DRP2: variants seen among roughly 807,000 people sequenced by gnomAD.
The protein encoded by DRP2 is dystrophin related protein 2, also known as dystrophin-related protein 2.
In DRP2, 29 loss-of-function variants were observed where a neutral mutation model predicts 78.2. The ratio of observed to expected loss-of-function variants is 0.37; its 90% confidence interval spans 0.28 to 0.51. DRP2 has a LOEUF of 0.51. Ranked by LOEUF, DRP2 falls within the 20% of genes least tolerant of loss-of-function variation. DRP2 has a pLI of 0.94. For missense variants in DRP2, 686 were observed against 770.6 expected (o/e 0.89, Z 1.30); for synonymous variants, 290 against 281.9 (o/e 1.03, Z -0.29).
rs763276484 is a variant in DRP2 at position 101,231,608 on chromosome X, G to A, written c.-40G>A. ...AGGTGCTTAATGATCAATAGTTGGT[G>A]CACTGCCTATCCTCATCCCCCCCAT... On this transcript the variant is annotated 5_prime_UTR_variant, in exon 3 of 24. Transcript: ENST00000395209. 2 of 1,081,424 alleles carry A rather than the reference G, an allele frequency of 1.8e-6. No homozygotes were observed. Among genetic ancestry groups the A allele is most frequent in the Admixed American group, 2.2e-5 (1 of 45,806 alleles). 89.1% of individuals were successfully genotyped at this position (1,081,424 alleles called of 1,213,427 possible).
At chrX:101,224,212 T>TTTTGTTTTTG (rs1922025132) in intron 1 of DRP2, among the ~76,000 whole-genome samples, 3 of 75,098 alleles carry the variant, frequency 4.0e-5, no homozygotes, top group African/African-American at 1.7e-4. Context: ...TTTTTTTTTT[T>TTTTGTTTTTG]TTTTTTTTTG....
At position 101,235,913 on chromosome X, in the gene DRP2, C is replaced by G. The variant is rs138702280; in HGVS notation, c.171C>G (p.Pro57=). The change falls in exon 4 of 24, where the codon CCC becomes CCG. Residue 57 remains proline (P), a synonymous_variant. Coordinates refer to ENST00000395209, the MANE Select transcript of DRP2 (RefSeq NM_001939.3). ...CTCCTCAAGATGGTGCTGGGGTTCC[C>G]TGCCTAAGCCTAAAGCTGTTGAACG... ...PAPPQDGAGV[P]CLSLKLLNGS... 473 of 1,210,278 alleles carry G rather than the reference C, an allele frequency of 3.9e-4. 3 individuals carry two copies. The African/African-American group carries it at 7.1e-3, about 18-fold the overall frequency.
chrX:101,254,174 A>T (rs75845541), intron 17 of DRP2, among the ~76,000 whole-genome samples: 42,270 of 108,916 alleles, frequency 0.39, 6,210 homozygotes, highest in African/African-American at 0.48. Context: ...AGACAATTAA[A>T]TTTTTAAGTA....
chrX:101,222,641 C>T (rs1602903434), intron 1 of DRP2, among the ~76,000 whole-genome samples: 1 of 112,520 alleles, frequency 8.9e-6, no homozygotes, highest in South Asian at 3.7e-4. Context: ...TTGCTATATG[C>T]AAAAATTGTC....
At chrX:101,222,033 T>C (rs770144191) in intron 1 of DRP2, among the ~76,000 whole-genome samples, 2 of 112,089 alleles carry the variant, frequency 1.8e-5, no homozygotes, top group Admixed American at 9.4e-5. Context: ...TGTTAATAGA[T>C]TCTGTTTTAA....
intron 11 of DRP2, 86 bp from the exon 12 acceptor site, chrX:101,247,004 C>T: frequency 1.2e-6 from 1 of 817,694 alleles, no homozygotes; most frequent in African/African-American, 2.0e-5. Flanking sequence ...TATTGGTTGC[C>T]AGTCTGGTGG....
At chrX:101,259,902 C>G in intron 22 of DRP2, 147 bp from the exon 23 acceptor site, 1 of 691,597 alleles carries the variant, frequency 1.4e-6, no homozygotes, top group Non-Finnish European at 2.1e-6. Context: ...AAGTGGAAGC[C>G]ACTGTTTTAG....
intron 2 of DRP2, among the ~76,000 whole-genome samples, chrX:101,228,139 A>G (rs970714007): frequency 1.1e-4 from 12 of 112,310 alleles, no homozygotes; most frequent in Non-Finnish European, 9.4e-5. Context: ...GTAAAATGAT[A>G]TAACTTTTTC....
rs1923557890 is a variant in DRP2 at position 101,261,592 on chromosome X, T to C, written c.*971T>C. 1 of 111,564 alleles carries C rather than the reference T, an allele frequency of 9.0e-6. No individual in the cohort carries two copies. The highest frequency in any genetic ancestry group is 3.8e-4 in the South Asian group (1 of 2,630). 9.2% of individuals were successfully genotyped at this position (111,564 alleles called of 1,213,427 possible). A position where few individuals can be genotyped will look rare whatever the true frequency, so the allele number is the denominator to read the frequency against. ...ACACCCTTCCAGGCTGTGACCCTTC[T>C]AGCTCTCAGGCTGAATCAGGTGAGG... is the stretch of plus-strand genomic sequence containing the variant. On this transcript the variant is annotated 3_prime_UTR_variant, in exon 24 of 24. Coordinates refer to ENST00000395209, the MANE Select transcript of DRP2 (RefSeq NM_001939.3).
Position 101,248,533 on chromosome X carries a change from C to A in DRP2, c.1474C>A (p.Arg492=). 8.3e-7 allele frequency: 1 copy of A among 1,211,430 alleles called. No homozygotes were observed. The highest frequency in any genetic ancestry group is 1.8e-5 in the South Asian group (1 of 56,961). Residue 492 remains arginine, a synonymous_variant, in exon 14 of 24, where the codon CGG becomes AGG. Coordinates refer to ENST00000395209, the MANE Select transcript of DRP2 (RefSeq NM_001939.3). ...VFDSGRSGKM[R]ALSFKTGIAC... is the part of the protein sequence containing the mutation. ...ACCTAGTGGTCGCAGCGGAAAGATG[C>A]GGGCATTGTCTTTTAAGACTGGCAT...
At chrX:101,235,714 A>C in intron 3 of DRP2, 146 bp from the exon 4 acceptor site, 2 of 568,611 alleles carry the variant, frequency 3.5e-6, no homozygotes, top group South Asian at 7.6e-5. Flanking sequence ...TCTTCATCTC[A>C]GTCCCTGAAC....
chrX:101,239,047 T>C lies in DRP2; in HGVS notation c.505T>C (p.Phe169Leu), dbSNP rs1922616291. The change falls in exon 6 of 24, where the codon TTC (phenylalanine) becomes CTC (leucine). Residue 169 changes from phenylalanine (F) to leucine (L), a missense_variant. Around this residue, in one of 2 missense-constraint regions of DRP2, gnomAD observed 263 missense variants for 239.1 expected, o/e 1.10. Coordinates refer to ENST00000395209, the MANE Select transcript of DRP2 (RefSeq NM_001939.3). Reference sequence around the variant, plus strand: ...TTCTGTGCTGGAGTCAGCTCAGGCCTTCCTGTCCCAGCACCCATTTGAGGA... The same window carrying C: ...TTCTGTGCTGGAGTCAGCTCAGGCCCTCCTGTCCCAGCACCCATTTGAGGA... ...IYSVLESAQA[F>L]LSQHPFEELE... The C allele has an allele frequency of 2.5e-6, 3 of 1,209,359 alleles. No homozygotes were observed. The African/African-American group carries it at 5.3e-5, about 21-fold the overall frequency.
intron 15 of DRP2, 108 bp from the exon 16 acceptor site, chrX:101,250,809 C>T (rs894337578): frequency 9.5e-7 from 1 of 1,048,424 alleles, no homozygotes; most frequent in African/African-American, 1.9e-5. Context: ...CTCTGGAGAA[C>T]AGGCCAACCC....
At chrX:101,248,992 G>A (rs1923036048) in intron 14 of DRP2, among the ~76,000 whole-genome samples, 1 of 112,008 alleles carries the variant, frequency 8.9e-6, no homozygotes, top group Non-Finnish European at 1.9e-5. Flanking sequence ...ATATACACAG[G>A]CAGGGCACAA....
chrX:101,255,144 A>G (rs1923292166), intron 19 of DRP2, 40 bp from the exon 20 acceptor site: 1 of 1,183,719 alleles, frequency 8.4e-7, no homozygotes, highest in Non-Finnish European at 1.1e-6. Flanking sequence ...AGCAGGCCCC[A>G]CATCCTGTTT....
chrX:101,223,788 T>C (rs1040638565), intron 1 of DRP2, among the ~76,000 whole-genome samples: 1 of 112,329 alleles, frequency 8.9e-6, no homozygotes, highest in Non-Finnish European at 1.9e-5. Context: ...TTCCTTGTTT[T>C]CATTTGTAAA....
At chrX:101,231,456 G>A in intron 2 of DRP2, 129 bp from the exon 3 acceptor site, 1 of 488,589 alleles carries the variant, frequency 2.0e-6, no homozygotes, top group South Asian at 2.9e-5. Flanking sequence ...TATGGTACAT[G>A]GTGGCCTGGG....
At chrX:101,230,159 T>G (rs1446688058) in intron 2 of DRP2, among the ~76,000 whole-genome samples, 1 of 112,205 alleles carries the variant, frequency 8.9e-6, no homozygotes, top group Non-Finnish European at 1.9e-5. Flanking sequence ...TGCCTGCCTA[T>G]TCTAACAGCT....
At chrX:101,231,470 G>A (rs1569507965) in intron 2 of DRP2, 115 bp from the exon 3 acceptor site, 1 of 511,369 alleles carries the variant, frequency 2.0e-6, no homozygotes, top group East Asian at 3.4e-5. Context: ...GCCTGGGTAG[G>A]TCAGTAAGTT....
Sources: gnomAD v4.1 joint callset for allele counts (sites outside exome capture counted in the v4.1 genomes callset) on GRCh38, gnomAD v4.1.1 for gene constraint, gnomAD v4.1.1 regional missense constraint, MANE v1.5 for transcripts, NCBI Gene and HGNC (gene_info 2026-07-23, HGNC 2026-07-21) for gene names.